Variants in TSHZ3 observed in about 807,000 individuals in gnomAD.
TSHZ3 encodes teashirt zinc finger homeobox 3.
In TSHZ3, 10 loss-of-function variants were observed where a neutral mutation model predicts 64.5. The ratio of observed to expected loss-of-function variants is 0.16; its 90% confidence interval spans 0.10 to 0.26. TSHZ3 has a LOEUF of 0.26. TSHZ3 is among the 10% of genes least tolerant of loss of function. The pLI is 1.00. For missense variants in TSHZ3, 1,242 were observed against 1,421.7 expected (o/e 0.87, Z 2.03); for synonymous variants, 608 against 593.1 (o/e 1.03, Z -0.36).
At chr19:31,264,718 T>C (rs1568362956) in intron 1 of TSHZ3, among the ~76,000 whole-genome samples, 1 of 152,022 alleles carries the variant, frequency 6.6e-6, no homozygotes, top group Non-Finnish European at 1.5e-5. Flanking sequence ...TTCTTTTTTT[T>C]TTTTTTTAAG....
intron 1 of TSHZ3, among the ~76,000 whole-genome samples, chr19:31,296,556 A>C (rs1976665939): frequency 6.6e-6 from 1 of 152,002 alleles, no homozygotes; most frequent in Non-Finnish European, 1.5e-5. Context: ...GGCTGGTCTT[A>C]AACTCCTGAC....
chr19:31,166,885 G>A (rs1974460380), intron 5 of TSHZ3, among the ~76,000 whole-genome samples: 1 of 152,194 alleles, frequency 6.6e-6, no homozygotes, highest in Non-Finnish European at 1.5e-5. Flanking sequence ...TATTTTCAAA[G>A]CCTGGCAAAG....
intron 1 of TSHZ3, among the ~76,000 whole-genome samples, chr19:31,252,228 C>T (rs1247191000): frequency 2.0e-5 from 3 of 152,098 alleles, no homozygotes. Context: ...GGGGAAAATC[C>T]GTTTCTTGAC....
At position 31,278,311 on chromosome 19, in the gene TSHZ3, T is replaced by C; in HGVS notation, c.1482A>G (p.Glu494=). ...KPKQKDKPGE[E]EEKCDISSKY... is the part of the protein sequence containing the mutation. ...TGGAAGAGATGTCACACTTCTCCTC[T>C]TCTTCGCCAGGCTTGTCTTTTTGCT... The change falls in exon 2 of 2, where the codon GAA becomes GAG. Residue 494 remains glutamate, a synonymous_variant. Coordinates refer to ENST00000240587, the MANE Select transcript of TSHZ3 (RefSeq NM_020856.4). The surrounding 1 kb of genome is among the most constrained non-coding windows in gnomAD (Gnocchi z 4.7). The C allele has an allele frequency of 1.2e-6, 2 of 1,614,218 alleles. No homozygotes were observed. The highest frequency in any genetic ancestry group is 1.7e-6 in the Non-Finnish European group (2 of 1,180,046).
intron 1 of TSHZ3, among the ~76,000 whole-genome samples, chr19:31,319,612 G>T (rs975697383): frequency 6.6e-6 from 1 of 152,066 alleles, no homozygotes; most frequent in Admixed American, 6.5e-5. Flanking sequence ...AGGAAACCCG[G>T]GCTCACCCAC....
intron 6 of TSHZ3, among the ~76,000 whole-genome samples, chr19:31,152,780 G>T (rs1974258407): frequency 6.6e-6 from 1 of 152,110 alleles, no homozygotes; most frequent in African/African-American, 2.4e-5. Flanking sequence ...CACCTCCACT[G>T]TTAACAGCAG....
chr19:31,224,106 A>C (rs1975427561), intron 4 of TSHZ3, among the ~76,000 whole-genome samples: 1 of 152,220 alleles, frequency 6.6e-6, no homozygotes, highest in Non-Finnish European at 1.5e-5. Flanking sequence ...TACTATTTAC[A>C]GGAAACTGGC....
intron 1 of TSHZ3, among the ~76,000 whole-genome samples, chr19:31,295,202 T>A (rs1004242706): frequency 6.6e-6 from 1 of 152,226 alleles, no homozygotes; most frequent in African/African-American, 2.4e-5. Context: ...ACACTGGAAC[T>A]TTCCAGTACC....
intron 1 of TSHZ3, among the ~76,000 whole-genome samples, chr19:31,320,659 T>G (rs1366025533): frequency 6.6e-6 from 1 of 152,148 alleles, no homozygotes; most frequent in Non-Finnish European, 1.5e-5. Flanking sequence ...TTGTTGTAGT[T>G]AAGACACGGT....
At chr19:31,212,266 G>A (rs1044160373) in intron 4 of TSHZ3, among the ~76,000 whole-genome samples, 11 of 152,040 alleles carry the variant, frequency 7.2e-5, no homozygotes, top group African/African-American at 2.7e-4. Flanking sequence ...GACCAGTCTG[G>A]CCAATATGGT....
At chr19:31,216,621 G>T (rs1368552385) in intron 4 of TSHZ3, among the ~76,000 whole-genome samples, 1 of 150,330 alleles carries the variant, frequency 6.7e-6, no homozygotes, top group Non-Finnish European at 1.5e-5. Flanking sequence ...GCTAATTTTT[G>T]TATTTTTGTT....
chr19:31,167,927 T>C (rs941182905), intron 5 of TSHZ3: 2 of 150,028 alleles, frequency 1.3e-5, no homozygotes, highest in African/African-American at 2.4e-5. Context: ...ATTATTCAAC[T>C]GCTCAAATGT....
downstream of TSHZ3, among the ~76,000 whole-genome samples, chr19:31,271,106 T>G (rs1162978826): frequency 6.6e-6 from 1 of 152,210 alleles, no homozygotes; most frequent in African/African-American, 2.4e-5. Flanking sequence ...GACTGCCTGG[T>G]ACGGCTCCAG....
At chr19:31,286,852 A>G (rs1457205497) in intron 1 of TSHZ3, among the ~76,000 whole-genome samples, 1 of 152,204 alleles carries the variant, frequency 6.6e-6, no homozygotes, top group Admixed American at 6.5e-5. Context: ...CAGGGATGAC[A>G]AACGTATCAT....
At chr19:31,204,205 A>C (rs1975129281) in intron 5 of TSHZ3, among the ~76,000 whole-genome samples, 1 of 151,166 alleles carries the variant, frequency 6.6e-6, no homozygotes, top group Non-Finnish European at 1.5e-5. Context: ...GAGCAAAACC[A>C]TATCATCTCC....
At position 31,349,423 on chromosome 19, in the gene TSHZ3, G is replaced by T; in HGVS notation, c.-204C>A. ...GCGCTCCGCCGCGAACCCCGAACGT[G>T]CGGAGGGAAGAAGGAGGGCGGGCGA... is the stretch of plus-strand genomic sequence containing the variant. On this transcript the variant is annotated 5_prime_UTR_variant, in exon 1 of 2. Transcript: ENST00000240587. 1 of 412,082 alleles carries T rather than the reference G, an allele frequency of 2.4e-6. No homozygotes were observed. The highest frequency in any genetic ancestry group is 4.2e-6 in the Non-Finnish European group (1 of 239,918). 25.5% of individuals were successfully genotyped at this position (412,082 alleles called of 1,614,324 possible).
At chr19:31,350,592 G>A (rs114589158), upstream of TSHZ3, among the ~76,000 whole-genome samples, 7,071 of 151,674 alleles carry the variant, frequency 0.047, 575 homozygotes, top group African/African-American at 0.16. Flanking sequence ...GGGGCTGCTG[G>A]ACTAGAGGGA....
intron 3 of TSHZ3, among the ~76,000 whole-genome samples, chr19:31,238,280 G>T (rs1975645629): frequency 7.2e-6 from 1 of 139,224 alleles, no homozygotes; most frequent in African/African-American, 2.7e-5. Flanking sequence ...TTTTGAGACA[G>T]ACTCTTGCTC....
At chr19:31,311,754 C>T (rs1388905751) in intron 1 of TSHZ3, among the ~76,000 whole-genome samples, 1 of 152,116 alleles carries the variant, frequency 6.6e-6, no homozygotes, top group South Asian at 2.1e-4. Context: ...GAGAGAGTCT[C>T]TCTCTGTTGC....
Sources: gnomAD v4.1 joint callset for allele counts (sites outside exome capture counted in the v4.1 genomes callset) on GRCh38, gnomAD v4.1.1 for gene constraint, Gnocchi (gnomAD v3.1) non-coding constraint, MANE v1.5 for transcripts, NCBI Gene and HGNC (gene_info 2026-07-23, HGNC 2026-07-21) for gene names.